The following WNT7A variants were observed in gnomAD, a reference collection of about 807,000 sequenced individuals.
WNT7A encodes the protein Wnt family member 7A, also known as protein Wnt-7a.
In WNT7A, 16 loss-of-function variants were observed where a neutral mutation model predicts 28.2. That is an observed-to-expected ratio of 0.57 (90% confidence interval 0.38 to 0.86). The LOEUF is 0.86. WNT7A is among the 40% of genes least tolerant of loss of function. The pLI, the probability that WNT7A is intolerant of heterozygous loss-of-function variation, is 0.00. For synonymous variants in WNT7A, 190 were observed against 195.9 expected (o/e 0.97, Z 0.25); for missense variants, 411 against 489.7 (o/e 0.84, Z 1.52).
intron 2 of WNT7A, among the ~76,000 whole-genome samples, chr3:13,863,279 T>A (rs1463251366): frequency 1.3e-5 from 2 of 152,192 alleles, no homozygotes; most frequent in Non-Finnish European, 2.9e-5. Context: ...ACCCTGTCCA[T>A]CCTTACTTTG....
Position 13,818,730 on chromosome 3 carries a change from G to C in WNT7A, c.*214C>G, listed in dbSNP as rs1446717501. 1.5e-6 allele frequency: 1 copy of C among 681,226 alleles called. No individual in the cohort carries two copies. Among genetic ancestry groups the C allele is most frequent in the African/African-American group, 1.8e-5 (1 of 55,332 alleles). 42.2% of individuals were successfully genotyped at this position (681,226 alleles called of 1,614,324 possible). Reference sequence around the variant, plus strand: ...CGCGGAGGGACCTGGGCTGTGTCTGGGGGAGGGTGGAGCAGCATTGGGTGT... The same window carrying C: ...CGCGGAGGGACCTGGGCTGTGTCTGCGGGAGGGTGGAGCAGCATTGGGTGT... On this transcript the variant is annotated 3_prime_UTR_variant, in exon 4 of 4. Coordinates refer to ENST00000285018, the MANE Select transcript of WNT7A (RefSeq NM_004625.4).
At chr3:13,849,958 A>G (rs926420161) in intron 3 of WNT7A, among the ~76,000 whole-genome samples, 1 of 152,184 alleles carries the variant, frequency 6.6e-6, no homozygotes, top group African/African-American at 2.4e-5. Context: ...ACCCCATGTC[A>G]TTCCCCAGCC....
At chr3:13,846,983 C>A (rs1181405447) in intron 3 of WNT7A, among the ~76,000 whole-genome samples, 1 of 152,198 alleles carries the variant, frequency 6.6e-6, no homozygotes, top group Non-Finnish European at 1.5e-5. Context: ...CGTTTCCAGT[C>A]TCTGTGGGAA....
In WNT7A at chr3:13,874,994, C is replaced by G; in HGVS notation, c.251G>C (p.Cys84Ser). The G allele has an allele frequency of 6.2e-7, 1 of 1,614,210 alleles. No homozygotes were observed. The highest frequency in any genetic ancestry group is 8.5e-7 in the Non-Finnish European group (1 of 1,180,042). Residue 84 changes from cysteine to serine, a missense_variant, in exon 2 of 4, where the codon TGC (cysteine) becomes TCC (serine). Physicochemically the swap from Cys to Ser is moderately radical, Grantham distance 112. Coordinates refer to ENST00000285018, the MANE Select transcript of WNT7A (RefSeq NM_004625.4). ...QFQFRNGRWN[C>S]SALGERTVFG... Reference sequence around the variant, plus strand: ...GACGGTGCGCTCTCCCAGTGCAGAGCAGTTCCAGCGGCCATTGCGGAACTG... The same window carrying G: ...GACGGTGCGCTCTCCCAGTGCAGAGGAGTTCCAGCGGCCATTGCGGAACTG...
chr3:13,839,018 CAGAT>C lies in WNT7A; in HGVS notation c.570+15510_570+15513del, dbSNP rs200100121. Among the ~76,000 whole-genome samples, 960 of 152,244 alleles carry C rather than the reference CAGAT, an allele frequency of 6.3e-3. 6 individuals are homozygous for C. Among genetic ancestry groups the C allele is most frequent in the South Asian group, 0.017 (81 of 4,820 alleles). ...TATTGAAATGATATGTAATCAATATCAGATAGATATTTGGGATATCTTAGATGAA... is the reference window on the plus strand; with the variant it reads ...TATTGAAATGATATGTAATCAATATCAGATATTTGGGATATCTTAGATGAA... On this transcript the variant is annotated intron_variant, in intron 3 of 3. Transcript: ENST00000285018.
chr3:13,854,387 A>T, intron 3 of WNT7A, 145 bp downstream of exon 3: 1 of 1,360,224 alleles, frequency 7.4e-7, no homozygotes, highest in Non-Finnish European at 1.0e-6. Context: ...CTGACCAGCT[A>T]CAAGCTGATG....
intron 2 of WNT7A, among the ~76,000 whole-genome samples, chr3:13,855,214 C>CA (rs1694710307): frequency 6.6e-6 from 1 of 152,246 alleles, no homozygotes; most frequent in South Asian, 2.1e-4. Flanking sequence ...CCACAGAGGA[C>CA]ACTGGCTCTG....
intron 2 of WNT7A, among the ~76,000 whole-genome samples, chr3:13,856,880 G>GGAA (rs1491101426): frequency 0.071 from 6,276 of 88,438 alleles, 425 homozygotes; most frequent in Non-Finnish European, 0.087. Context: ...AGGAAGAAGA[G>GGAA]GAAGAAGAAG....
intron 3 of WNT7A, among the ~76,000 whole-genome samples, chr3:13,843,781 C>G (rs531578159): frequency 6.6e-6 from 1 of 150,634 alleles, no homozygotes; most frequent in South Asian, 2.1e-4. Context: ...GAGTCTCACT[C>G]TGTCTCCCAG....
Position 13,818,935 on chromosome 3 carries a change from A to C in WNT7A, c.*9T>G. ...GACTTGCAGCGGGAGGGTGGTGTGC[A>C]CACGGGGCTCACTTGCACGTGTACA... On this transcript the variant is annotated 3_prime_UTR_variant, in exon 4 of 4. Transcript: ENST00000285018. The C allele has an allele frequency of 6.4e-7, 1 of 1,560,198 alleles. No homozygotes were observed. The highest frequency in any genetic ancestry group is 8.7e-7 in the Non-Finnish European group (1 of 1,147,116).
At chr3:13,868,234 C>T (rs955607055) in intron 2 of WNT7A, among the ~76,000 whole-genome samples, 1 of 152,018 alleles carries the variant, frequency 6.6e-6, no homozygotes, top group Non-Finnish European at 1.5e-5. Flanking sequence ...TGGCTCACAC[C>T]TGTAATCCCA....
intron 3 of WNT7A, among the ~76,000 whole-genome samples, chr3:13,844,907 C>G (rs1395455204): frequency 5.3e-5 from 8 of 152,184 alleles, no homozygotes; most frequent in Non-Finnish European, 1.0e-4. Flanking sequence ...TCACTTGGCT[C>G]CCCTCCCTCC....
At chr3:13,863,663 A>G (rs1339159660) in intron 2 of WNT7A, 1 of 152,222 alleles carries the variant, frequency 6.6e-6, no homozygotes, top group African/African-American at 2.4e-5. Flanking sequence ...AGGAAAGAAT[A>G]GGTCTTTTGC....
chr3:13,840,283 A>G (rs1034167518), intron 3 of WNT7A, among the ~76,000 whole-genome samples: 21 of 152,148 alleles, frequency 1.4e-4, no homozygotes, highest in African/African-American at 4.8e-4. Context: ...TTTGTTCATC[A>G]TAGCATTTAT....
In WNT7A at chr3:13,854,781, G is replaced by A. The variant is rs531986676; in HGVS notation, c.321C>T (p.Thr107=). The change falls in exon 3 of 4, where the codon ACC becomes ACT. Residue 107 remains threonine, a synonymous_variant. Coordinates refer to ENST00000285018, the MANE Select transcript of WNT7A (RefSeq NM_004625.4). The part of the protein sequence containing the change: ...LKVGSREAAF[T]YAIIAAGVAH... ...CCACGCCGGCGGCAATGATGGCGTAGGTGAACGCAGCCTCCCGGCTCCCTG... is the reference window on the plus strand; with the variant it reads ...CCACGCCGGCGGCAATGATGGCGTAAGTGAACGCAGCCTCCCGGCTCCCTG... 134 of 1,613,352 alleles carry A rather than the reference G, an allele frequency of 8.3e-5. No homozygotes were observed. The South Asian group carries it at 1.3e-3, about 16-fold the overall frequency.
rs1694057876 is a variant in WNT7A at position 13,818,720 on chromosome 3, G to A, written c.*224C>T. The A allele has an allele frequency of 5.0e-6, 3 of 604,802 alleles. No individual in the cohort carries two copies. Among genetic ancestry groups the A allele is most frequent in the Non-Finnish European group, 7.8e-6 (3 of 382,576 alleles). The allele number at this position is 604,802 out of a possible 1,614,324, so 37.5% of individuals were successfully genotyped here. A position where few individuals can be genotyped will look rare whatever the true frequency, so the allele number is the denominator to read the frequency against. ...TCGCTCCAGCCGCGGAGGGACCTGG[G>A]CTGTGTCTGGGGGAGGGTGGAGCAG... On this transcript the variant is annotated 3_prime_UTR_variant, in exon 4 of 4. Coordinates refer to ENST00000285018, the MANE Select transcript of WNT7A (RefSeq NM_004625.4).
chr3:13,858,194 CA>C (rs1335278462), intron 2 of WNT7A, among the ~76,000 whole-genome samples: 2 of 152,128 alleles, frequency 1.3e-5, no homozygotes, highest in African/African-American at 4.8e-5. Context: ...AGTGGGCAGG[CA>C]CCACCGGCAG....
At chr3:13,850,462 G>C (rs758721585) in intron 3 of WNT7A, among the ~76,000 whole-genome samples, 1 of 152,190 alleles carries the variant, frequency 6.6e-6, no homozygotes, top group Non-Finnish European at 1.5e-5. Flanking sequence ...AGGGCAGGAA[G>C]GGACAAGACC....
At chr3:13,849,576 A>G (rs919669817) in intron 3 of WNT7A, among the ~76,000 whole-genome samples, 3 of 152,060 alleles carry the variant, frequency 2.0e-5, no homozygotes, top group Non-Finnish European at 4.4e-5. Flanking sequence ...GGCCATCACT[A>G]CCCTGTGGTG....
Sources: allele counts gnomAD v4.1 joint callset (sites outside exome capture counted in the v4.1 genomes callset), GRCh38; gene constraint gnomAD v4.1.1; transcripts MANE v1.5; gene names NCBI Gene and HGNC (gene_info 2026-07-23, HGNC 2026-07-21).